Variants in SNTG1 observed in about 807,000 individuals in gnomAD.
The protein encoded by SNTG1 is gamma-1-syntrophin.
In SNTG1, 39 loss-of-function variants were observed where a neutral mutation model predicts 74.7. The ratio of observed to expected loss-of-function variants is 0.52; its 90% CI spans 0.40 to 0.68. The LOEUF (loss-of-function observed/expected upper bound fraction) is 0.68, where lower values mean the gene tolerates loss of function less well. SNTG1 is among the 30% of genes least tolerant of loss of function. The pLI is 0.00. For missense variants in SNTG1, 685 were observed against 609.5 expected (o/e 1.12, Z -1.30); for synonymous variants, 254 against 217.1 (o/e 1.17, Z -1.49).
intron 13 of SNTG1, among the ~76,000 whole-genome samples, chr8:50,633,866 T>C (rs1031086602): frequency 6.6e-6 from 1 of 152,212 alleles, no homozygotes; most frequent in African/African-American, 2.4e-5. Context: ...TTTAGGCCTA[T>C]TGGGATTCCA....
chr8:50,247,804 G>T (rs181859228), intron 2 of SNTG1, among the ~76,000 whole-genome samples: 5 of 151,872 alleles, frequency 3.3e-5, no homozygotes, highest in African/African-American at 7.3e-5. Context: ...AATTACAGCC[G>T]TGAGCCACTG....
At chr8:50,747,152 A>C (rs1353018509) in intron 17 of SNTG1, among the ~76,000 whole-genome samples, 1 of 151,850 alleles carries the variant, frequency 6.6e-6, no homozygotes, top group East Asian at 2.0e-4. Flanking sequence ...ACACCCCCTC[A>C]GGTATTCTTG....
chr8:50,517,616 CAAAAAAAA>C lies in SNTG1; in HGVS notation c.467-12546_467-12539del, dbSNP rs1161724778. 8.8e-3 allele frequency among the ~76,000 whole-genome samples: 551 copies of C among 62,364 alleles called. 4 individuals carry two copies. Among genetic ancestry groups the C allele is most frequent in the African/African-American group, 0.026 (508 of 19,282 alleles). 40.9% of individuals were successfully genotyped at this position (62,364 alleles called of 152,430 possible). A position where few individuals can be genotyped will look rare whatever the true frequency, so the allele number is the denominator to read the frequency against. On this transcript the variant is annotated intron_variant, in intron 9 of 18. Transcript: ENST00000642720. Reference sequence around the variant, plus strand: ...GAATATTTACCAAGCAAATGGAAAGCAAAAAAAAAAAAAAAAAAAAAATAGCAGGGGTT... The same window carrying C: ...GAATATTTACCAAGCAAATGGAAAGCAAAAAAAAAAAAAATAGCAGGGGTT...
At chr8:50,032,540 T>C (rs182584867) in intron 1 of SNTG1, among the ~76,000 whole-genome samples, 6 of 152,238 alleles carry the variant, frequency 3.9e-5, no homozygotes, top group African/African-American at 1.4e-4. Flanking sequence ...CATTGTTGCT[T>C]TTGTTTTTGT....
At chr8:50,478,134 A>C (rs1230437613) in intron 8 of SNTG1, among the ~76,000 whole-genome samples, 1 of 152,110 alleles carries the variant, frequency 6.6e-6, no homozygotes, top group African/African-American at 2.4e-5. Flanking sequence ...TTCATCTGGC[A>C]TATCAGCTCT....
chr8:50,296,032 A>C (rs889128278), intron 2 of SNTG1, among the ~76,000 whole-genome samples: 5 of 152,152 alleles, frequency 3.3e-5, no homozygotes, highest in Admixed American at 3.3e-4. Context: ...GTTTAGGAAG[A>C]TTTTTAGATT....
chr8:50,418,979 A>C (rs2093048112), intron 4 of SNTG1, among the ~76,000 whole-genome samples: 1 of 152,176 alleles, frequency 6.6e-6, no homozygotes, highest in South Asian at 2.1e-4. Flanking sequence ...TATTTGTACT[A>C]GGTAAAAATT....
At chr8:50,030,334 G>A (rs1817637640) in intron 1 of SNTG1, among the ~76,000 whole-genome samples, 1 of 151,936 alleles carries the variant, frequency 6.6e-6, no homozygotes, top group African/African-American at 2.4e-5. Context: ...GTTGGCAGAA[G>A]CTTTTTAGCT....
At chr8:50,496,730 C>A (rs72642401) in intron 8 of SNTG1, among the ~76,000 whole-genome samples, 13,936 of 152,004 alleles carry the variant, frequency 0.092, 920 homozygotes, top group Non-Finnish European at 0.14. Context: ...TTTATCAACC[C>A]TCTTGCTTGG....
chr8:50,656,298 C>T (rs546725925), intron 13 of SNTG1, among the ~76,000 whole-genome samples: 4 of 152,204 alleles, frequency 2.6e-5, no homozygotes, highest in East Asian at 3.9e-4. Flanking sequence ...GTTTGGAAAT[C>T]GATCTGCCTT....
intron 2 of SNTG1, among the ~76,000 whole-genome samples, chr8:50,224,598 C>A (rs181352206): frequency 3.3e-4 from 50 of 152,202 alleles, no homozygotes; most frequent in East Asian, 1.2e-3. Flanking sequence ...ATTCTAAGCA[C>A]CCCCCAACCA....
intron 8 of SNTG1, among the ~76,000 whole-genome samples, chr8:50,465,071 T>G (rs191585185): frequency 6.6e-6 from 1 of 152,088 alleles, no homozygotes; most frequent in Non-Finnish European, 1.5e-5. Flanking sequence ...AAACAAGGTG[T>G]GCTTGTATCT....
At chr8:50,348,407 G>A (rs2091547291) in intron 2 of SNTG1, among the ~76,000 whole-genome samples, 1 of 152,160 alleles carries the variant, frequency 6.6e-6, no homozygotes, top group South Asian at 2.1e-4. Flanking sequence ...TGGAGTTGGA[G>A]GGAAATGACT....
At chr8:50,321,195 C>CTA (rs1444151940) in intron 2 of SNTG1, among the ~76,000 whole-genome samples, 4 of 152,016 alleles carry the variant, frequency 2.6e-5, no homozygotes, top group Non-Finnish European at 5.9e-5. Flanking sequence ...ATAATATTTG[C>CTA]TATATATATC....
chr8:50,116,822 C>T (rs2080840403), intron 1 of SNTG1, among the ~76,000 whole-genome samples: 1 of 152,066 alleles, frequency 6.6e-6, no homozygotes, highest in Admixed American at 6.6e-5. Flanking sequence ...CTTCTGAGCT[C>T]TATGCTATTC....
chr8:50,398,772 A>C (rs1461708985), intron 3 of SNTG1, among the ~76,000 whole-genome samples: 1 of 152,156 alleles, frequency 6.6e-6, no homozygotes, highest in Non-Finnish European at 1.5e-5. Flanking sequence ...TCTACTAAAA[A>C]TACAAAAAAT....
intron 13 of SNTG1, among the ~76,000 whole-genome samples, chr8:50,639,050 A>G (rs2095056181): frequency 6.6e-6 from 1 of 151,994 alleles, no homozygotes; most frequent in Non-Finnish European, 1.5e-5. Context: ...ATATAATATC[A>G]TTTTAATTGT....
At chr8:50,383,532 C>A (rs922806273) in intron 2 of SNTG1, among the ~76,000 whole-genome samples, 1 of 152,162 alleles carries the variant, frequency 6.6e-6, no homozygotes, top group African/African-American at 2.4e-5. Flanking sequence ...TTACAGTCCT[C>A]ATTTTTGCAG....
intron 12 of SNTG1, among the ~76,000 whole-genome samples, chr8:50,581,536 A>G (rs1310444621): frequency 1.3e-5 from 2 of 152,184 alleles, no homozygotes. Flanking sequence ...TTCCTTTCAA[A>G]TCTTGTATGC....
Sources: gnomAD v4.1 joint callset for allele counts (sites outside exome capture counted in the v4.1 genomes callset) on GRCh38, gnomAD v4.1.1 for gene constraint, MANE v1.5 for transcripts, NCBI Gene and HGNC (gene_info 2026-07-23, HGNC 2026-07-21) for gene names.